Variants in MEI4 observed in about 807,000 individuals in gnomAD.
MEI4 encodes the protein meiosis-specific protein MEI4.
Under a neutral mutation model 31.4 loss-of-function variants are expected in MEI4, and 27 were observed. That is an observed-to-expected ratio of 0.86 (90% CI 0.63 to 1.19). The LOEUF is 1.19. MEI4 is among the 50% of genes most tolerant of loss of function. MEI4 has a pLI of 0.00. For missense variants in MEI4, 329 were observed against 398.9 expected, an observed-to-expected ratio of 0.82 and a Z score of 1.49; for synonymous variants, 122 against 145.4, an observed-to-expected ratio of 0.84 and a Z score of 1.16.
intron 4 of MEI4, among the ~76,000 whole-genome samples, chr6:77,912,418 C>T (rs183045887): frequency 6.6e-6 from 1 of 152,046 alleles, no homozygotes; most frequent in Admixed American, 6.6e-5. Flanking sequence ...GTAATATGAT[C>T]ATTTCAATGT....
chr6:77,909,488 C>A (rs968791100), intron 4 of MEI4, among the ~76,000 whole-genome samples: 1 of 152,114 alleles, frequency 6.6e-6, no homozygotes. Context: ...AGCACATACA[C>A]CCTCCCAAGA....
chr6:77,824,413 A>G (rs1172143650), intron 3 of MEI4, among the ~76,000 whole-genome samples: 2 of 152,212 alleles, frequency 1.3e-5, no homozygotes, highest in Non-Finnish European at 2.9e-5. Context: ...TGAACAAGTT[A>G]ACTTACTCTC....
intron 3 of MEI4, among the ~76,000 whole-genome samples, chr6:77,784,205 AC>A: frequency 6.6e-6 from 1 of 152,292 alleles, no homozygotes; most frequent in East Asian, 1.9e-4. Context: ...TATAGAGGCA[AC>A]TGATTTCAGA....
In MEI4 at chr6:77,761,294, C is replaced by T. The variant is rs1185213724; in HGVS notation, c.397C>T (p.Leu133=). The T allele has an allele frequency of 1.2e-5, 15 of 1,232,678 alleles. No individual in the cohort carries two copies. The highest frequency in any genetic ancestry group is 1.4e-5 in the Non-Finnish European group (14 of 988,076). The allele number at this position is 1,232,678 out of a possible 1,614,324, so 76.4% of individuals were successfully genotyped here. A position where few individuals can be genotyped will look rare whatever the true frequency, so the allele number is the denominator to read the frequency against. The change falls in exon 3 of 5, where the codon CTG becomes TTG. Residue 133 remains leucine (L), a synonymous_variant. Coordinates refer to ENST00000684080, the MANE Select transcript of MEI4 (RefSeq NM_001322247.2). ...CTGTACCCCCACTCACTTTCCACCA[C>T]TGCCTCTTGTGAAAAGACCTTGTGC... The part of the protein sequence containing the change: ...ESCTPTHFPP[L]PLVKRPCAIL...
chr6:77,918,691 A>G (rs1766626032), intron 4 of MEI4, among the ~76,000 whole-genome samples: 2 of 151,910 alleles, frequency 1.3e-5, no homozygotes, highest in Non-Finnish European at 2.9e-5. Context: ...GGTTTTCCAG[A>G]TATACAATCA....
intron 2 of MEI4, among the ~76,000 whole-genome samples, chr6:77,724,655 CT>C (rs1439597040): frequency 6.7e-6 from 1 of 148,736 alleles, no homozygotes; most frequent in Non-Finnish European, 1.5e-5. Flanking sequence ...GCGGTTGGGT[CT>C]TATTTTCTTT....
chr6:77,844,467 T>A (rs1188195004), intron 4 of MEI4, among the ~76,000 whole-genome samples: 2 of 152,196 alleles, frequency 1.3e-5, no homozygotes, highest in African/African-American at 4.8e-5. Flanking sequence ...AACAATGTTC[T>A]GAAGATCTAG....
chr6:77,690,983 C>T, intron 2 of MEI4, 80 bp downstream of exon 2: 5 of 755,900 alleles, frequency 6.6e-6, no homozygotes, highest in Non-Finnish European at 9.0e-6. Flanking sequence ...AATGTATTCC[C>T]AAAACATGAA....
intron 3 of MEI4, among the ~76,000 whole-genome samples, chr6:77,789,621 A>C (rs929433287): frequency 1.4e-4 from 22 of 152,222 alleles, no homozygotes; most frequent in African/African-American, 5.1e-4. Flanking sequence ...TCTCAAAAGA[A>C]GACATGTATG....
At chr6:77,744,168 T>C (rs1210528104) in intron 2 of MEI4, among the ~76,000 whole-genome samples, 1 of 152,004 alleles carries the variant, frequency 6.6e-6, no homozygotes, top group Admixed American at 6.5e-5. Flanking sequence ...ATCAAACTAC[T>C]CCGAGCTACA....
chr6:77,869,405 C>A (rs1771140784), intron 4 of MEI4, among the ~76,000 whole-genome samples: 1 of 152,034 alleles, frequency 6.6e-6, no homozygotes, highest in Non-Finnish European at 1.5e-5. Flanking sequence ...TAAAATGGAT[C>A]CTTTAGGATG....
intron 3 of MEI4, among the ~76,000 whole-genome samples, chr6:77,798,160 TTATAAA>T (rs538100257): frequency 4.2e-4 from 64 of 151,938 alleles, no homozygotes; most frequent in Non-Finnish European, 7.8e-4. Context: ...AAAATCTAAC[TTATAAA>T]TATAACTAAA....
chr6:77,752,651 A>G (rs575928559), intron 2 of MEI4, among the ~76,000 whole-genome samples: 1 of 152,350 alleles, frequency 6.6e-6, no homozygotes, highest in East Asian at 1.9e-4. Flanking sequence ...CATTGATAGG[A>G]AGAATCATAT....
chr6:77,806,508 G>T (rs1437122416), intron 3 of MEI4, among the ~76,000 whole-genome samples: 1 of 152,098 alleles, frequency 6.6e-6, no homozygotes, highest in East Asian at 1.9e-4. Context: ...AAGATTCAGG[G>T]TATGTATAGA....
chr6:77,827,977 A>G (rs1391047178), intron 3 of MEI4, among the ~76,000 whole-genome samples: 4 of 151,980 alleles, frequency 2.6e-5, no homozygotes, highest in Non-Finnish European at 5.9e-5. Context: ...CTCTAGAAAA[A>G]TATATTTTAT....
At chr6:77,797,581 C>T (rs528327610) in intron 3 of MEI4, among the ~76,000 whole-genome samples, 94 of 152,116 alleles carry the variant, frequency 6.2e-4, no homozygotes, top group African/African-American at 2.2e-3. Context: ...GTCAAAGGCC[C>T]GAGATCCCCC....
intron 4 of MEI4, among the ~76,000 whole-genome samples, chr6:77,886,433 T>TTGTTG (rs1273440171): frequency 2.0e-5 from 1 of 49,858 alleles, no homozygotes; most frequent in Admixed American, 2.2e-4. Flanking sequence ...TTTTCCAGTT[T>TTGTTG]TGTTTTTTTT....
chr6:77,735,583 C>A (rs910689858), intron 2 of MEI4, among the ~76,000 whole-genome samples: 1 of 152,004 alleles, frequency 6.6e-6, no homozygotes, highest in African/African-American at 2.4e-5. Context: ...GTTTGAATGT[C>A]CTCCCGTAGC....
At chr6:77,883,717 G>GATATATATATATATAT (rs570185624) in intron 4 of MEI4, among the ~76,000 whole-genome samples, 990 of 43,068 alleles carry the variant, frequency 0.023, 24 homozygotes, top group East Asian at 0.072. Context: ...TATTATGTAA[G>GATATATATATATATAT]ATATATATAT....
Sources: gnomAD v4.1 joint callset for allele counts (sites outside exome capture counted in the v4.1 genomes callset) on GRCh38, gnomAD v4.1.1 for gene constraint, MANE v1.5 for transcripts, NCBI Gene and HGNC (gene_info 2026-07-23, HGNC 2026-07-21) for gene names.